The following FAM193A variants were observed in gnomAD, a reference collection of about 807,000 sequenced individuals.
The protein encoded by FAM193A is protein FAM193A.
Under a neutral mutation model 126.5 loss-of-function variants are expected in FAM193A, and 22 were observed. That is an observed-to-expected ratio of 0.17 (90% CI 0.12 to 0.25). The LOEUF (loss-of-function observed/expected upper bound fraction) is 0.25. Ranked by LOEUF, FAM193A falls within the 10% of genes least tolerant of loss-of-function variation. The pLI, the probability that FAM193A is intolerant of heterozygous loss-of-function variation, is 1.00. For synonymous variants in FAM193A, 761 were observed against 646.8 expected (o/e 1.18, Z -2.68); for missense variants, 1,675 against 1,672.8 (o/e 1.00, Z -0.02).
intron 7 of FAM193A, among the ~76,000 whole-genome samples, chr4:2,650,117 G>A (rs1467146168): frequency 3.9e-5 from 6 of 152,174 alleles, no homozygotes; most frequent in Admixed American, 3.9e-4. Context: ...GCATTGTGGT[G>A]AGTTGTATAA....
intron 1 of FAM193A, among the ~76,000 whole-genome samples, chr4:2,585,651 C>T (rs766665444): frequency 2.0e-5 from 3 of 152,038 alleles, no homozygotes; most frequent in Admixed American, 6.6e-5. Context: ...TTAGGCTGGG[C>T]ATGGTGGTTC....
chr4:2,689,786 C>G (rs1055617082), intron 14 of FAM193A, 82 bp downstream of exon 14: 203 of 1,029,632 alleles, frequency 2.0e-4, no homozygotes, highest in Non-Finnish European at 2.7e-4. Flanking sequence ...CCCGTGGAAG[C>G]CCTGGCGCAG....
At position 2,672,166 on chromosome 4, in the gene FAM193A, G is replaced by A. The variant is rs1169411069; in HGVS notation, c.2125G>A (p.Glu709Lys). 6.2e-7 allele frequency: 1 copy of A among 1,614,122 alleles called. No homozygotes were observed. The highest frequency in any genetic ancestry group is 8.5e-7 in the Non-Finnish European group (1 of 1,180,022). The change falls in exon 13 of 21, where the codon GAA (glutamate) becomes AAA (lysine). Residue 709 changes from glutamate (E) to lysine (K), a missense_variant. By Grantham distance (56) the Glu-to-Lys change is moderately conservative. Around this residue, in one of 4 missense-constraint regions of FAM193A, gnomAD observed 1,186 missense variants for 1,109.2 expected, o/e 1.07. Transcript: ENST00000637812. ...NTCECHVCKQ[E>K]ASGLTPSAMT... ...TTGTGAATGTCATGTTTGTAAGCAG[G>A]AAGCTTCTGGACTGACACCATCTGC...
At chr4:2,674,453 A>G (rs1020764236) in intron 13 of FAM193A, among the ~76,000 whole-genome samples, 7 of 152,224 alleles carry the variant, frequency 4.6e-5, no homozygotes, top group Non-Finnish European at 1.0e-4. Flanking sequence ...GATAATCAAC[A>G]GCAGGATTGT....
At chr4:2,564,874 G>A (rs1035748933) in intron 1 of FAM193A, among the ~76,000 whole-genome samples, 11 of 151,858 alleles carry the variant, frequency 7.2e-5, no homozygotes, top group African/African-American at 2.4e-4. Context: ...GGCACCATCC[G>A]TTGCTCATTG....
In FAM193A at chr4:2,579,718, A is replaced by C. The variant is rs576794389; in HGVS notation, c.256-16366A>C. On this transcript the variant is annotated intron_variant, in intron 1 of 20. Coordinates refer to ENST00000637812, the MANE Select transcript of FAM193A (RefSeq NM_001366318.2). ...TGTCTCAAAAACAAAACAAAAAAAA[A>C]CAGTGAAAACATTGATTTTTCAGCA... 3.6e-4 allele frequency among the ~76,000 whole-genome samples: 51 copies of C among 141,430 alleles called. 1 individual carries two copies. In the East Asian group the frequency reaches 8.3e-3, roughly 23 times the overall value. The allele number at this position is 141,430 out of a possible 152,430, so 92.8% of individuals were successfully genotyped here.
chr4:2,627,734 T>A (rs1025331534), intron 4 of FAM193A, among the ~76,000 whole-genome samples: 3 of 150,130 alleles, frequency 2.0e-5, no homozygotes, highest in Non-Finnish European at 4.4e-5. Flanking sequence ...CCTGCCACTG[T>A]GCCCAGCTAA....
At chr4:2,593,860 A>T (rs1220366500) in intron 1 of FAM193A, among the ~76,000 whole-genome samples, 6 of 149,572 alleles carry the variant, frequency 4.0e-5, no homozygotes, top group East Asian at 2.0e-4. Flanking sequence ...GGGGTAAATC[A>T]GTGTGCCTTT....
chr4:2,621,142 C>T (rs1408612898), intron 2 of FAM193A, among the ~76,000 whole-genome samples: 1 of 152,146 alleles, frequency 6.6e-6, no homozygotes, highest in Non-Finnish European at 1.5e-5. Flanking sequence ...AGGGTAAGAG[C>T]AAGATGAGAA....
At chr4:2,575,848 C>G (rs1739555581) in intron 1 of FAM193A, among the ~76,000 whole-genome samples, 2 of 152,180 alleles carry the variant, frequency 1.3e-5, no homozygotes, top group Admixed American at 6.6e-5. Context: ...GATGGGCCCT[C>G]TGCTCTTCAC....
intron 19 of FAM193A, among the ~76,000 whole-genome samples, chr4:2,704,788 C>T (rs551531573): frequency 6.6e-6 from 1 of 152,222 alleles, no homozygotes; most frequent in East Asian, 1.9e-4. Context: ...GCATTTTTCT[C>T]CTCTAATTAC....
intron 2 of FAM193A, among the ~76,000 whole-genome samples, chr4:2,605,279 C>G (rs899078365): frequency 1.3e-5 from 2 of 152,186 alleles, no homozygotes; most frequent in African/African-American, 2.4e-5. Context: ...TTCACACTTG[C>G]CGGCTGCTCC....
chr4:2,580,866 A>G (rs1429930559), intron 1 of FAM193A, among the ~76,000 whole-genome samples: 15 of 152,250 alleles, frequency 9.9e-5, no homozygotes, highest in Admixed American at 9.8e-4. Context: ...GGCCGGGCTC[A>G]CGCCTGTAAT....
chr4:2,629,202 TA>T lies in FAM193A; in HGVS notation c.804-1729del, dbSNP rs567235025. The stretch of plus-strand genomic sequence containing the variant: ...TCACATGGTTATTTCCTTAAATTTA[TA>T]AAATACAGAAATAGACAAAAAAAAA... On this transcript the variant is annotated intron_variant, in intron 4 of 20. Coordinates refer to ENST00000637812, the MANE Select transcript of FAM193A (RefSeq NM_001366318.2). Among the ~76,000 whole-genome samples the T allele has an allele frequency of 2.3e-4, 32 of 141,062 alleles. No homozygotes were observed. In the East Asian group the frequency reaches 6.5e-3, roughly 29 times the overall value. The allele number at this position is 141,062 out of a possible 152,430, so 92.5% of individuals were successfully genotyped here. A position where few individuals can be genotyped will look rare whatever the true frequency, so the allele number is the denominator to read the frequency against.
chr4:2,548,810 A>G (rs1189698834), intron 1 of FAM193A, among the ~76,000 whole-genome samples: 2 of 151,792 alleles, frequency 1.3e-5, no homozygotes, highest in Non-Finnish European at 2.9e-5. Context: ...TCCGTTTACC[A>G]ATTTTTTCTT....
chr4:2,654,947 T>G (rs1038109603), intron 7 of FAM193A: 4 of 493,018 alleles, frequency 8.1e-6, no homozygotes, highest in African/African-American at 1.9e-5. Flanking sequence ...TTGTAGTTTT[T>G]GAGTTGAGTC....
intron 16 of FAM193A, among the ~76,000 whole-genome samples, chr4:2,694,236 A>G (rs1174560821): frequency 6.6e-6 from 1 of 152,148 alleles, no homozygotes; most frequent in Non-Finnish European, 1.5e-5. Context: ...TAAAAACACA[A>G]TACAACAAAC....
intron 2 of FAM193A, chr4:2,607,946 C>G (rs1436092533): frequency 2.1e-6 from 3 of 1,433,132 alleles, no homozygotes; most frequent in African/African-American, 1.5e-5. Context: ...AACACAGATT[C>G]TTTTCTTTTT....
rs1201087179 is a variant in FAM193A, at chr4:2,663,131, G to C, written c.1922G>C (p.Ser641Thr). The C allele has an allele frequency of 2.5e-6, 4 of 1,614,000 alleles. No individual in the cohort carries two copies. Among genetic ancestry groups the C allele is most frequent in the Non-Finnish European group, 3.4e-6 (4 of 1,180,020 alleles). ...KDESPQISST[S>T]SSSSEADDEE... ...AAGTCTCCTCAGATAAGCAGTACCA[G>C]CAGTAGTTCCTCAGAAGCTGATGAT... The change falls in exon 12 of 21, where the codon AGC becomes ACC. Residue 641 changes from serine to threonine, a missense_variant. Physicochemically the swap from Ser to Thr is moderately conservative, Grantham distance 58. Transcript: ENST00000637812.
Sources: allele counts gnomAD v4.1 joint callset (sites outside exome capture counted in the v4.1 genomes callset), GRCh38; gene constraint gnomAD v4.1.1; regional missense constraint gnomAD v4.1.1; transcripts MANE v1.5; gene names NCBI Gene and HGNC (gene_info 2026-07-23, HGNC 2026-07-21).